The following RYR3 variants were observed in gnomAD, a reference collection of about 807,000 sequenced individuals.
The protein encoded by RYR3 is ryanodine receptor 3.
In RYR3, 207 loss-of-function variants were observed where a neutral mutation model predicts 584.3. The ratio of observed to expected loss-of-function variants is 0.35; its 90% CI spans 0.32 to 0.40. The LOEUF (loss-of-function observed/expected upper bound fraction) is 0.40. RYR3 is among the 10% of genes least tolerant of loss of function. RYR3 has a pLI of 1.00. For missense variants in RYR3, 5,616 were observed against 6,089.2 expected, an observed-to-expected ratio of 0.92 and a Z score of 2.59; for synonymous variants, 2,416 against 2,248.5, an observed-to-expected ratio of 1.07 and a Z score of -2.11.
At position 33,701,119 on chromosome 15, in the gene RYR3, G is replaced by T. The variant is rs2280419; in HGVS notation, c.6483+39G>T. 14 of 1,384,836 alleles carry T rather than the reference G, an allele frequency of 1.0e-5. No individual in the cohort carries two copies. The South Asian group carries it at 1.5e-4, about 14-fold the overall frequency. 85.8% of individuals were successfully genotyped at this position (1,384,836 alleles called of 1,614,324 possible). A position where few individuals can be genotyped will look rare whatever the true frequency, so the allele number is the denominator to read the frequency against. On this transcript the variant is annotated intron_variant, in intron 42 of 103. Transcript: ENST00000634891. ...GGGGTGGCAGTGTGGTGTTCTCTTCGGCCTGTAGTGCAGCTAAGCTAAGGA... is the reference window on the plus strand; with the variant it reads ...GGGGTGGCAGTGTGGTGTTCTCTTCTGCCTGTAGTGCAGCTAAGCTAAGGA...
chr15:33,753,175 A>G (rs59003168), intron 57 of RYR3, among the ~76,000 whole-genome samples: 47,629 of 152,130 alleles, frequency 0.31, 9,236 homozygotes, highest in African/African-American at 0.56. Flanking sequence ...GCAGGTCTTT[A>G]CAAAATATGC....
At chr15:33,536,119 A>G (rs2055308172) in intron 5 of RYR3, among the ~76,000 whole-genome samples, 1 of 152,194 alleles carries the variant, frequency 6.6e-6, no homozygotes, top group African/African-American at 2.4e-5. Context: ...ACGGAATCCA[A>G]CAGAAGGGTC....
chr15:33,732,259 A>G (rs1189476494), intron 48 of RYR3, among the ~76,000 whole-genome samples: 2 of 151,524 alleles, frequency 1.3e-5, no homozygotes, highest in Admixed American at 1.3e-4. Flanking sequence ...ATGGTGGCAG[A>G]CGCCTGTAGT....
Position 33,731,668 on chromosome 15 carries a change from A to T in RYR3, c.7398A>T (p.Ile2466=). The change falls in exon 48 of 104, where the codon ATA becomes ATT. Residue 2466 remains isoleucine (I), a synonymous_variant. Coordinates refer to ENST00000634891, the MANE Select transcript of RYR3 (RefSeq NM_001036.6). ...RSLTKAQRDT[I]EECLLAICNH... is the part of the protein sequence containing the mutation. ...TCACCAAAGCACAAAGGGACACTAT[A>T]GAAGAATGTTTGCTTGCCATTTGCA... 1 of 1,612,722 alleles carries T rather than the reference A, an allele frequency of 6.2e-7. No individual in the cohort carries two copies. Among genetic ancestry groups the T allele is most frequent in the Non-Finnish European group, 8.5e-7 (1 of 1,178,830 alleles).
At chr15:33,479,672 C>T (rs909472556) in intron 2 of RYR3, among the ~76,000 whole-genome samples, 3 of 151,990 alleles carry the variant, frequency 2.0e-5, no homozygotes, top group African/African-American at 7.2e-5. Flanking sequence ...TCATTCCAAA[C>T]CTGAATCACT....
intron 38 of RYR3, among the ~76,000 whole-genome samples, chr15:33,695,273 C>G (rs1202825155): frequency 6.6e-6 from 1 of 152,174 alleles, no homozygotes; most frequent in African/African-American, 2.4e-5. Context: ...TAAGCAGTGC[C>G]TTCCCGGCCA....
intron 52 of RYR3, among the ~76,000 whole-genome samples, chr15:33,745,570 C>T (rs957399117): frequency 1.3e-5 from 2 of 152,102 alleles, no homozygotes; most frequent in Admixed American, 1.3e-4. Context: ...AAGACATTCA[C>T]CCAATATTTG....
chr15:33,573,771 G>T (rs620644), intron 12 of RYR3, among the ~76,000 whole-genome samples: 62,093 of 152,002 alleles, frequency 0.41, 13,813 homozygotes, highest in South Asian at 0.56. Context: ...TCTGAGTTGA[G>T]GCTCTGACTT....
At chr15:33,667,154 C>A (rs548531332) in intron 36 of RYR3, among the ~76,000 whole-genome samples, 1 of 152,232 alleles carries the variant, frequency 6.6e-6, no homozygotes, top group East Asian at 1.9e-4. Context: ...TTCCTCCTAA[C>A]AATGCTACAC....
intron 1 of RYR3, among the ~76,000 whole-genome samples, chr15:33,402,222 C>G (rs993171190): frequency 1.3e-5 from 2 of 152,122 alleles, no homozygotes; most frequent in African/African-American, 4.8e-5. Flanking sequence ...TTATAAGACA[C>G]TAATAAATTC....
At chr15:33,857,721 A>T in intron 98 of RYR3, 59 bp from the exon 99 acceptor site, 1 of 1,602,548 alleles carries the variant, frequency 6.2e-7, no homozygotes, top group South Asian at 1.1e-5. Context: ...GTCTCCTGTG[A>T]ACCTTTCAAG....
At chr15:33,398,255 T>C (rs977316147) in intron 1 of RYR3, among the ~76,000 whole-genome samples, 83 of 152,330 alleles carry the variant, frequency 5.4e-4, no homozygotes, top group African/African-American at 1.9e-3. Flanking sequence ...AAAGCAAAGT[T>C]GCTAAGTTTT....
rs1555427643 is a variant in RYR3, at chr15:33,725,976, C to CCAAA, written c.6913-410_6913-409insCAAA. 3.2e-4 allele frequency among the ~76,000 whole-genome samples: 10 copies of CCAAA among 31,514 alleles called. 1 individual carries two copies. Among genetic ancestry groups the CCAAA allele is most frequent in the East Asian group, 9.0e-4 (1 of 1,112 alleles). 20.7% of individuals were successfully genotyped at this position (31,514 alleles called of 152,430 possible). On this transcript the variant is annotated intron_variant, in intron 45 of 103. Coordinates refer to ENST00000634891, the MANE Select transcript of RYR3 (RefSeq NM_001036.6). ...CAGAGCAAGACTCCATCCCCCCCCC[C>CCAAA]AAAAAAAAAAAAAAAAAAAAACAGA... is the stretch of plus-strand genomic sequence containing the variant.
At chr15:33,753,282 A>G (rs1228656446) in intron 57 of RYR3, among the ~76,000 whole-genome samples, 2 of 152,250 alleles carry the variant, frequency 1.3e-5, no homozygotes, top group Admixed American at 1.3e-4. Flanking sequence ...AGCAAGCATA[A>G]CTGACATAAG....
chr15:33,820,850 C>A (rs1385547868), intron 78 of RYR3, 38 bp downstream of exon 78: 1 of 1,504,190 alleles, frequency 6.6e-7, no homozygotes. Context: ...AGCCACCCTC[C>A]AAGGCCAATA....
intron 16 of RYR3, among the ~76,000 whole-genome samples, chr15:33,589,327 T>C (rs996128076): frequency 1.3e-5 from 2 of 152,172 alleles, no homozygotes; most frequent in Non-Finnish European, 2.9e-5. Flanking sequence ...TGTTGTTGAG[T>C]TGTTTGAGTT....
rs116591969 is a variant in RYR3, at chr15:33,522,850, C to A, written c.280-7742C>A. 9.0e-3 allele frequency among the ~76,000 whole-genome samples: 1,364 copies of A among 152,258 alleles called. 22 individuals are homozygous for A. The highest frequency in any genetic ancestry group is 0.031 in the African/African-American group (1,303 of 41,550). ...TGCATGTGCCCCTCCTACCCCTGGGCTGTACTTTCTAATTCCCAGTCTACT... is the reference window on the plus strand; with the variant it reads ...TGCATGTGCCCCTCCTACCCCTGGGATGTACTTTCTAATTCCCAGTCTACT... On this transcript the variant is annotated intron_variant, in intron 3 of 103. Transcript: ENST00000634891.
chr15:33,566,149 C>T (rs2057703945), intron 11 of RYR3, among the ~76,000 whole-genome samples: 1 of 152,212 alleles, frequency 6.6e-6, no homozygotes, highest in Non-Finnish European at 1.5e-5. Context: ...ACTCTCTAGC[C>T]TCCAAGAGAA....
chr15:33,736,063 C>G (rs1596360627), intron 48 of RYR3, among the ~76,000 whole-genome samples, 172 bp from the exon 49 acceptor site: 1 of 152,272 alleles, frequency 6.6e-6, no homozygotes, highest in Middle Eastern at 3.4e-3. Flanking sequence ...TGAATTTTAA[C>G]TGTACTCTTT....
Sources: gnomAD v4.1 joint callset for allele counts (sites outside exome capture counted in the v4.1 genomes callset) on GRCh38, gnomAD v4.1.1 for gene constraint, MANE v1.5 for transcripts, NCBI Gene and HGNC (gene_info 2026-07-23, HGNC 2026-07-21) for gene names.